Variants in USH2A observed in about 807,000 individuals in gnomAD.
USH2A encodes the protein Usher syndrome 2A (autosomal recessive, mild).
Under a neutral mutation model 538.9 loss-of-function variants are expected in USH2A, and 443 were observed. The observed-to-expected ratio is 0.82, with a 90% confidence interval of 0.76 to 0.89. USH2A has a LOEUF of 0.89. Ranked by LOEUF, USH2A falls within the 40% of genes least tolerant of loss-of-function variation. The probability of loss-of-function intolerance (pLI) is 0.00; values close to 1 mark genes in which losing one functional copy is unlikely to be tolerated. For synonymous variants in USH2A, 2,413 were observed against 2,273.5 expected (o/e 1.06, Z -1.75); for missense variants, 6,633 against 6,324.8 (o/e 1.05, Z -1.65).
At chr1:216,213,845 T>C (rs888479805) in intron 15 of USH2A, among the ~76,000 whole-genome samples, 1 of 152,024 alleles carries the variant, frequency 6.6e-6, no homozygotes, top group African/African-American at 2.4e-5. Context: ...CCCAAATTAA[T>C]AAGGAATTCT....
At chr1:216,411,609 C>A (rs988206488) in intron 3 of USH2A, among the ~76,000 whole-genome samples, 10 of 152,132 alleles carry the variant, frequency 6.6e-5, no homozygotes, top group Non-Finnish European at 1.0e-4. Flanking sequence ...GTTTCTCATG[C>A]AGTGGGTGGT....
chr1:216,123,892 AT>A (rs984261466), intron 21 of USH2A, among the ~76,000 whole-genome samples: 1 of 152,026 alleles, frequency 6.6e-6, no homozygotes, highest in Non-Finnish European at 1.5e-5. Flanking sequence ...CTAGTCATAC[AT>A]TTTTTTCTTA....
intron 44 of USH2A, among the ~76,000 whole-genome samples, chr1:215,848,935 A>C (rs967020788): frequency 6.6e-6 from 1 of 152,196 alleles, no homozygotes; most frequent in Non-Finnish European, 1.5e-5. Context: ...ACCATCTAAG[A>C]AACAGAAGAT....
chr1:215,742,017 AG>A (rs1660319340), intron 59 of USH2A, among the ~76,000 whole-genome samples: 1 of 152,230 alleles, frequency 6.6e-6, no homozygotes, highest in African/African-American at 2.4e-5. Context: ...GCACAGTTTC[AG>A]GGACACGGAG....
chr1:215,881,811 A>T (rs2102454261), intron 41 of USH2A, among the ~76,000 whole-genome samples: 1 of 149,828 alleles, frequency 6.7e-6, no homozygotes, highest in East Asian at 2.0e-4. Context: ...GTTCTTAATG[A>T]TTCAGGTTTC....
intron 9 of USH2A, among the ~76,000 whole-genome samples, chr1:216,309,593 G>C (rs2037383826): frequency 6.6e-6 from 1 of 152,050 alleles, no homozygotes; most frequent in Non-Finnish European, 1.5e-5. Context: ...TTGAAAAGGA[G>C]TGCTGAGAGG....
At chr1:215,709,318 C>T (rs980947755) in intron 61 of USH2A, among the ~76,000 whole-genome samples, 3 of 152,060 alleles carry the variant, frequency 2.0e-5, no homozygotes, top group African/African-American at 4.8e-5. Context: ...TACTATTTAA[C>T]TAGTACATAT....
intron 21 of USH2A, among the ~76,000 whole-genome samples, chr1:216,099,804 C>A (rs903733313): frequency 2.6e-5 from 4 of 152,050 alleles, no homozygotes; most frequent in Non-Finnish European, 5.9e-5. Flanking sequence ...GGAAGGAAAT[C>A]TGGGGTTAGG....
chr1:215,998,864 G>A, intron 34 of USH2A, 23 bp downstream of exon 34: 1 of 1,609,806 alleles, frequency 6.2e-7, no homozygotes, highest in Non-Finnish European at 8.5e-7. Context: ...TGGGGACAGA[G>A]AAAGTGATGG....
intron 61 of USH2A, among the ~76,000 whole-genome samples, chr1:215,721,078 T>C (rs528321247): frequency 4.6e-5 from 7 of 151,944 alleles, no homozygotes; most frequent in Non-Finnish European, 1.0e-4. Flanking sequence ...TTTGTTGTTG[T>C]TGTTGTTGTT....
chr1:216,210,749 G>A (rs1253597600), intron 15 of USH2A, among the ~76,000 whole-genome samples: 1 of 151,958 alleles, frequency 6.6e-6, no homozygotes. Flanking sequence ...ATAAAGGGTC[G>A]AGGCGGGCGG....
At chr1:215,636,014 A>G (rs1034719336) in intron 69 of USH2A, among the ~76,000 whole-genome samples, 1 of 152,172 alleles carries the variant, frequency 6.6e-6, no homozygotes, top group African/African-American at 2.4e-5. Context: ...CCATCCAGCC[A>G]CTGCTGGGGC....
chr1:216,397,053 C>A (rs2102754888), intron 3 of USH2A, among the ~76,000 whole-genome samples: 1 of 152,222 alleles, frequency 6.6e-6, no homozygotes, highest in Non-Finnish European at 1.5e-5. Context: ...ACTTGCACAC[C>A]TGAGAAGAAT....
At chr1:215,681,979 A>T (rs560953238) in intron 61 of USH2A, among the ~76,000 whole-genome samples, 1 of 152,210 alleles carries the variant, frequency 6.6e-6, no homozygotes, top group Admixed American at 6.5e-5. Context: ...GTTAGATCAT[A>T]AATATTTAAA....
In USH2A at chr1:216,161,970, T is replaced by A. The variant is rs527270437; in HGVS notation, c.4627+13282A>T. Among the ~76,000 whole-genome samples the A allele has an allele frequency of 6.6e-5, 10 of 152,056 alleles. No homozygotes were observed. The South Asian group carries it at 2.1e-3, about 32-fold the overall frequency. ...CACCCTCCCCAGGTGCTTTTGAAGGTTTTTCTTTGTCTTTTATTTTAAGCA... is the reference window on the plus strand; with the variant it reads ...CACCCTCCCCAGGTGCTTTTGAAGGATTTTCTTTGTCTTTTATTTTAAGCA... On this transcript the variant is annotated intron_variant, in intron 21 of 71. Transcript: ENST00000307340.
intron 32 of USH2A, among the ~76,000 whole-genome samples, chr1:216,031,480 TTCTC>T (rs1373881959): frequency 6.6e-6 from 1 of 152,154 alleles, no homozygotes. Flanking sequence ...CATAATGCGT[TTCTC>T]TCCTCTCCTC....
chr1:216,152,183 T>C (rs2033850918), intron 21 of USH2A, among the ~76,000 whole-genome samples: 1 of 152,114 alleles, frequency 6.6e-6, no homozygotes, highest in African/African-American at 2.4e-5. Context: ...TTTTGTTTTA[T>C]TTTTCTTATT....
At chr1:216,009,665 C>A (rs997869985) in intron 32 of USH2A, among the ~76,000 whole-genome samples, 1 of 152,018 alleles carries the variant, frequency 6.6e-6, no homozygotes, top group Non-Finnish European at 1.5e-5. Flanking sequence ...ACCCATCTGA[C>A]CTCTCCCCTC....
At chr1:216,091,313 TA>T (rs1205543222) in intron 22 of USH2A, among the ~76,000 whole-genome samples, 1 of 152,200 alleles carries the variant, frequency 6.6e-6, no homozygotes, top group East Asian at 1.9e-4. Flanking sequence ...AATTTCCTGT[TA>T]ATGTCACTGA....
Sources: gnomAD v4.1 joint callset for allele counts (sites outside exome capture counted in the v4.1 genomes callset) on GRCh38, gnomAD v4.1.1 for gene constraint, MANE v1.5 for transcripts, NCBI Gene and HGNC (gene_info 2026-07-23, HGNC 2026-07-21) for gene names.